Variants in TJP1 observed in about 807,000 individuals in gnomAD.
The protein encoded by TJP1 is tight junction protein ZO-1.
Under a neutral mutation model 194.2 loss-of-function variants are expected in TJP1, and 43 were observed. The ratio of observed to expected loss-of-function variants is 0.22; its 90% CI spans 0.17 to 0.29. The LOEUF (loss-of-function observed/expected upper bound fraction) is 0.29. TJP1 is among the 10% of genes least tolerant of loss of function. The probability of loss-of-function intolerance (pLI) is 1.00; values close to 1 mark genes in which losing one functional copy is unlikely to be tolerated. For synonymous variants in TJP1, 801 were observed against 779.0 expected (o/e 1.03, Z -0.47); for missense variants, 1,971 against 2,185.7 (o/e 0.90, Z 1.96).
intron 1 of TJP1, among the ~76,000 whole-genome samples, chr15:29,818,665 C>T (rs1040370212): frequency 1.6e-4 from 20 of 123,238 alleles, no homozygotes; most frequent in Non-Finnish European, 2.8e-4. Flanking sequence ...CCACCAGGCC[C>T]GGCTATTTTT....
At chr15:29,871,532 G>T (rs1341243933) in intron 2 of TJP1, among the ~76,000 whole-genome samples, 3 of 152,236 alleles carry the variant, frequency 2.0e-5, no homozygotes, top group Non-Finnish European at 4.4e-5. Context: ...GCGCCTCTGG[G>T]AAAGCTTGCC....
intron 23 of TJP1, among the ~76,000 whole-genome samples, chr15:29,713,021 T>C (rs2042334590): frequency 6.6e-6 from 1 of 152,138 alleles, no homozygotes; most frequent in Non-Finnish European, 1.5e-5. Context: ...CCTGTGGTGG[T>C]GGAGTCTTAC....
chr15:29,773,399 A>T, intron 2 of TJP1, 42 bp from the exon 3 acceptor site: 1 of 1,595,606 alleles, frequency 6.3e-7, no homozygotes, highest in Non-Finnish European at 8.6e-7. Context: ...TTAAGGACAA[A>T]AATAATTGTT....
At chr15:29,914,376 C>G (rs1416519455) in intron 2 of TJP1, among the ~76,000 whole-genome samples, 1 of 152,128 alleles carries the variant, frequency 6.6e-6, no homozygotes, top group Non-Finnish European at 1.5e-5. Context: ...TCCAGAGGCC[C>G]TGGGATCCAA....
At chr15:29,876,629 A>G (rs2052712140) in intron 2 of TJP1, among the ~76,000 whole-genome samples, 1 of 152,186 alleles carries the variant, frequency 6.6e-6, no homozygotes, top group South Asian at 2.1e-4. Context: ...AATGTGGCCT[A>G]GGGAAGTCAA....
intron 2 of TJP1, among the ~76,000 whole-genome samples, chr15:29,886,413 G>A (rs1182716632): frequency 6.6e-6 from 1 of 151,910 alleles, no homozygotes; most frequent in Admixed American, 6.6e-5. Flanking sequence ...TTTGGATGGT[G>A]TGTTTATAGG....
intron 18 of TJP1, among the ~76,000 whole-genome samples, chr15:29,722,246 T>C (rs2042973721): frequency 1.3e-5 from 2 of 152,118 alleles, no homozygotes; most frequent in South Asian, 4.1e-4. Flanking sequence ...GCCCCTCCCA[T>C]CACAAGCCTG....
intron 2 of TJP1, among the ~76,000 whole-genome samples, chr15:29,868,394 C>T (rs1306738099): frequency 6.6e-6 from 1 of 152,124 alleles, no homozygotes; most frequent in Non-Finnish European, 1.5e-5. Flanking sequence ...AGTGTTGTGG[C>T]TTCATATAAA....
At chr15:29,752,449 C>T (rs2045353066) in intron 8 of TJP1, among the ~76,000 whole-genome samples, 1 of 152,110 alleles carries the variant, frequency 6.6e-6, no homozygotes. Flanking sequence ...TTGAAGCCTG[C>T]CTTTCTGCTA....
At chr15:29,717,466 A>T (rs568205298) in intron 22 of TJP1, among the ~76,000 whole-genome samples, 4 of 152,328 alleles carry the variant, frequency 2.6e-5, no homozygotes, top group African/African-American at 9.6e-5. Context: ...AGGCCATGGG[A>T]AAAAGCTCAG....
intron 2 of TJP1, among the ~76,000 whole-genome samples, chr15:29,882,472 T>A (rs1013701435): frequency 5.3e-5 from 8 of 152,194 alleles, no homozygotes. Context: ...TCTAAATGGC[T>A]AGGCAAACAA....
upstream of TJP1, among the ~76,000 whole-genome samples, chr15:29,825,791 T>C (rs1686001552): frequency 6.6e-6 from 1 of 152,196 alleles, no homozygotes. Flanking sequence ...CAAGATGTTA[T>C]AACAACCAAA....
chr15:29,806,124 G>A (rs2049095861), intron 1 of TJP1, among the ~76,000 whole-genome samples: 1 of 152,180 alleles, frequency 6.6e-6, no homozygotes, highest in Non-Finnish European at 1.5e-5. Context: ...ATGGGAAAAT[G>A]ATTTGAGAAA....
chr15:29,856,104 A>T (rs1343972885), intron 2 of TJP1, among the ~76,000 whole-genome samples: 1 of 151,948 alleles, frequency 6.6e-6, no homozygotes, highest in Admixed American at 6.5e-5. Context: ...GATGTGGCAT[A>T]TCCATACAAT....
At chr15:29,721,781 C>A in intron 18 of TJP1, among the ~76,000 whole-genome samples, 1 of 152,194 alleles carries the variant, frequency 6.6e-6, no homozygotes, top group East Asian at 1.9e-4. Flanking sequence ...AAAGTCCAGG[C>A]TGTGGAGGTC....
At chr15:29,769,828 T>G (rs2046543411) in intron 4 of TJP1, among the ~76,000 whole-genome samples, 1 of 152,222 alleles carries the variant, frequency 6.6e-6, no homozygotes, top group African/African-American at 2.4e-5. Flanking sequence ...TAATACTTGA[T>G]AATGACTATG....
intron 8 of TJP1, among the ~76,000 whole-genome samples, chr15:29,748,764 G>C (rs979683803): frequency 1.3e-5 from 2 of 151,684 alleles, no homozygotes; most frequent in African/African-American, 4.8e-5. Context: ...TGTAGAGATG[G>C]GGTTTCGCTA....
intron 1 of TJP1, among the ~76,000 whole-genome samples, chr15:29,813,345 A>G (rs929668514): frequency 6.6e-6 from 1 of 152,188 alleles, no homozygotes; most frequent in Non-Finnish European, 1.5e-5. Flanking sequence ...CTCATAATGC[A>G]TATCTAATTC....
At chr15:29,788,463 T>G (rs2047848137) in intron 2 of TJP1, among the ~76,000 whole-genome samples, 1 of 152,224 alleles carries the variant, frequency 6.6e-6, no homozygotes, top group Admixed American at 6.5e-5. Context: ...CACCTATGGT[T>G]CATTTAAACT....
Sources: gnomAD v4.1 joint callset for allele counts (sites outside exome capture counted in the v4.1 genomes callset) on GRCh38, gnomAD v4.1.1 for gene constraint, MANE v1.5 for transcripts, NCBI Gene and HGNC (gene_info 2026-07-23, HGNC 2026-07-21) for gene names.